NRXN3: variants seen among roughly 807,000 people sequenced by gnomAD.
NRXN3 encodes the protein neurexin III.
Under a neutral mutation model 137.6 loss-of-function variants are expected in NRXN3, and 32 were observed. That is an observed-to-expected ratio of 0.23 (90% confidence interval 0.18 to 0.31). The LOEUF (loss-of-function observed/expected upper bound fraction) is 0.31, where lower values mean the gene tolerates loss of function less well. NRXN3 is among the 10% of genes least tolerant of loss of function. The pLI is 1.00. For missense variants in NRXN3, 1,574 were observed against 2,062.5 expected, an observed-to-expected ratio of 0.76 and a Z score of 4.59; for synonymous variants, 798 against 784.5, an observed-to-expected ratio of 1.02 and a Z score of -0.29.
At chr14:78,668,233 G>C (rs553200318) in intron 6 of NRXN3, among the ~76,000 whole-genome samples, 3 of 152,276 alleles carry the variant, frequency 2.0e-5, no homozygotes, top group African/African-American at 7.2e-5. Context: ...GGTCTAAAAT[G>C]CTTATGAAGT....
chr14:78,924,856 T>G (rs562059513), intron 10 of NRXN3, among the ~76,000 whole-genome samples: 17 of 152,218 alleles, frequency 1.1e-4, no homozygotes, highest in African/African-American at 4.1e-4. Context: ...TCAAATAAAT[T>G]GAGTCTCAGA....
intron 19 of NRXN3, among the ~76,000 whole-genome samples, chr14:79,778,260 C>CA (rs1362875930): frequency 1.3e-5 from 2 of 152,136 alleles, no homozygotes; most frequent in African/African-American, 2.4e-5. Flanking sequence ...ACTAAAAATA[C>CA]AAAAAATTCA....
intron 20 of NRXN3, among the ~76,000 whole-genome samples, chr14:79,860,575 G>T (rs1430118297): frequency 1.3e-5 from 2 of 152,204 alleles, no homozygotes; most frequent in Non-Finnish European, 2.9e-5. Context: ...ATAAGATGGT[G>T]AATCGGTCAT....
Position 78,703,267 on chromosome 14 carries a change from T to A in NRXN3, c.1222-5950T>A, listed in dbSNP as rs945685938. ...GAGAGAGTTTTAAGTGATGAGTGAG[T>A]GGAGTGGACAGTTTAGCGGAGGGAG... On this transcript the variant is annotated intron_variant, in intron 6 of 20. Coordinates refer to ENST00000335750, the MANE Select transcript of NRXN3 (RefSeq NM_001330195.2). 3.9e-5 allele frequency among the ~76,000 whole-genome samples: 6 copies of A among 152,132 alleles called. No homozygotes were observed. In the South Asian group the frequency reaches 1.2e-3, roughly 32 times the overall value.
At chr14:78,681,726 TC>T (rs1196644550) in intron 6 of NRXN3, among the ~76,000 whole-genome samples, 3 of 152,170 alleles carry the variant, frequency 2.0e-5, no homozygotes, top group Non-Finnish European at 4.4e-5. Context: ...AAAGTGGGTC[TC>T]CTTTTTAATT....
chr14:78,421,295 C>T (rs1040869663), intron 4 of NRXN3, among the ~76,000 whole-genome samples: 14 of 149,686 alleles, frequency 9.4e-5, no homozygotes, highest in East Asian at 3.9e-4. Flanking sequence ...GAAAAGAAAA[C>T]GTGATTACAT....
chr14:79,562,871 TGACA>T (rs551441763), intron 16 of NRXN3, among the ~76,000 whole-genome samples: 1 of 152,218 alleles, frequency 6.6e-6, no homozygotes, highest in South Asian at 2.1e-4. Context: ...CTAATTATTT[TGACA>T]GACAGTCATA....
intron 19 of NRXN3, among the ~76,000 whole-genome samples, chr14:79,709,850 C>T (rs1348980478): frequency 6.6e-6 from 1 of 152,084 alleles, no homozygotes; most frequent in Non-Finnish European, 1.5e-5. Flanking sequence ...TCTCTGAGGC[C>T]ATTTCTCATT....
At chr14:79,754,397 ACTGTGCCAT>A (rs2099010262) in intron 19 of NRXN3, among the ~76,000 whole-genome samples, 1 of 150,350 alleles carries the variant, frequency 6.7e-6, no homozygotes. Flanking sequence ...ATATGCAAAT[ACTGTGCCAT>A]TAGGGACTTG....
At chr14:79,536,588 CTATT>C (rs1450322449) in intron 16 of NRXN3, among the ~76,000 whole-genome samples, 2 of 152,114 alleles carry the variant, frequency 1.3e-5, no homozygotes, top group Admixed American at 6.6e-5. Context: ...CATGCATTAA[CTATT>C]TATCCTGATG....
intron 15 of NRXN3, among the ~76,000 whole-genome samples, chr14:79,462,283 G>A (rs973847924): frequency 3.9e-5 from 6 of 152,000 alleles, no homozygotes; most frequent in African/African-American, 1.5e-4. Flanking sequence ...TGAGAGAGGA[G>A]AATCGCTTGA....
chr14:79,212,285 CTG>C (rs535123754), intron 15 of NRXN3, among the ~76,000 whole-genome samples: 36 of 152,296 alleles, frequency 2.4e-4, no homozygotes, highest in Non-Finnish European at 4.6e-4. Flanking sequence ...ATCCCCTTGT[CTG>C]TGATTTTTCT....
chr14:79,291,442 A>G (rs1197045489), intron 15 of NRXN3, among the ~76,000 whole-genome samples: 1 of 151,614 alleles, frequency 6.6e-6, no homozygotes, highest in Non-Finnish European at 1.5e-5. Context: ...ACCAGTCTCA[A>G]ACTCTTGGGC....
intron 15 of NRXN3, among the ~76,000 whole-genome samples, chr14:79,005,007 T>G (rs1362992819): frequency 6.6e-6 from 1 of 152,210 alleles, no homozygotes; most frequent in Non-Finnish European, 1.5e-5. Flanking sequence ...TTTTTCCTAA[T>G]AACCTGATTT....
At chr14:79,712,665 C>G (rs907919187) in intron 19 of NRXN3, among the ~76,000 whole-genome samples, 2 of 149,078 alleles carry the variant, frequency 1.3e-5, no homozygotes, top group East Asian at 3.9e-4. Flanking sequence ...AGCCACCCAT[C>G]AGTGCCACAG....
chr14:79,860,552 G>C (rs368570715), intron 20 of NRXN3, among the ~76,000 whole-genome samples: 19 of 152,338 alleles, frequency 1.2e-4, no homozygotes, highest in African/African-American at 4.1e-4. Context: ...TATGTTTCTT[G>C]ATCTTGGTCT....
chr14:79,055,412 G>A (rs1440430194), intron 15 of NRXN3, among the ~76,000 whole-genome samples: 2 of 152,070 alleles, frequency 1.3e-5, no homozygotes, highest in Non-Finnish European at 2.9e-5. Flanking sequence ...AAATAATCTC[G>A]GCTTGGTAGT....
chr14:79,857,684 C>T (rs1419783264), intron 20 of NRXN3, among the ~76,000 whole-genome samples: 1 of 152,022 alleles, frequency 6.6e-6, no homozygotes, highest in Non-Finnish European at 1.5e-5. Context: ...ACACTTGTCC[C>T]AGGCATTTTT....
intron 4 of NRXN3, among the ~76,000 whole-genome samples, chr14:78,417,136 G>C (rs186817575): frequency 6.6e-6 from 1 of 152,318 alleles, no homozygotes; most frequent in East Asian, 1.9e-4. Flanking sequence ...AAGCCATCAT[G>C]GCTTCCCAAT....
Sources: allele counts gnomAD v4.1 joint callset (sites outside exome capture counted in the v4.1 genomes callset), GRCh38; gene constraint gnomAD v4.1.1; transcripts MANE v1.5; gene names NCBI Gene and HGNC (gene_info 2026-07-23, HGNC 2026-07-21).